The following CACNA2D3 variants were observed in gnomAD, a reference collection of about 807,000 sequenced individuals.
The protein encoded by CACNA2D3 is calcium voltage-gated channel auxiliary subunit alpha2delta 3.
Under a neutral mutation model 160.6 loss-of-function variants are expected in CACNA2D3, and 60 were observed. The observed-to-expected ratio is 0.37, with a 90% CI of 0.30 to 0.46. The LOEUF is 0.46. CACNA2D3 is among the 20% of genes least tolerant of loss of function. The probability of loss-of-function intolerance (pLI) is 1.00; values close to 1 mark genes in which losing one functional copy is unlikely to be tolerated. For synonymous variants in CACNA2D3, 558 were observed against 492.9 expected, an observed-to-expected ratio of 1.13 and a Z score of -1.75; for missense variants, 1,205 against 1,365.0, an observed-to-expected ratio of 0.88 and a Z score of 1.85.
At chr3:54,512,185 G>A (rs928782251) in intron 5 of CACNA2D3, among the ~76,000 whole-genome samples, 56 of 152,232 alleles carry the variant, frequency 3.7e-4, no homozygotes, top group African/African-American at 1.2e-3. Flanking sequence ...CTAGCCAGGT[G>A]CCCTGGCCAG....
chr3:54,390,142 A>G (rs1302424939), intron 4 of CACNA2D3, among the ~76,000 whole-genome samples: 1 of 152,162 alleles, frequency 6.6e-6, no homozygotes, highest in Non-Finnish European at 1.5e-5. Context: ...GGAGGGGATG[A>G]TGTGGTTGAC....
At chr3:54,982,486 T>A (rs1702528635) in intron 29 of CACNA2D3, among the ~76,000 whole-genome samples, 1 of 152,084 alleles carries the variant, frequency 6.6e-6, no homozygotes, top group Admixed American at 6.5e-5. Flanking sequence ...GATTTTCCTT[T>A]GGGTTGGGGG....
intron 9 of CACNA2D3, among the ~76,000 whole-genome samples, chr3:54,606,705 G>A (rs1464234180): frequency 6.6e-6 from 1 of 152,122 alleles, no homozygotes; most frequent in East Asian, 1.9e-4. Context: ...TGGTGCTGCA[G>A]CCCTGCAAAT....
chr3:54,579,995 G>A (rs2106736692), intron 8 of CACNA2D3, among the ~76,000 whole-genome samples: 1 of 152,306 alleles, frequency 6.6e-6, no homozygotes, highest in South Asian at 2.1e-4. Flanking sequence ...AGATCTGGAG[G>A]TTTGGGGGCC....
chr3:54,535,406 A>C (rs562136127), intron 5 of CACNA2D3, among the ~76,000 whole-genome samples: 80 of 152,152 alleles, frequency 5.3e-4, no homozygotes, highest in Non-Finnish European at 1.1e-3. Flanking sequence ...CACACTGCCT[A>C]TTTTTTGTTG....
At chr3:54,785,077 C>T (rs1405152687) in intron 13 of CACNA2D3, among the ~76,000 whole-genome samples, 1 of 152,216 alleles carries the variant, frequency 6.6e-6, no homozygotes, top group Non-Finnish European at 1.5e-5. Context: ...GCTGCAAACA[C>T]CATCCTTCCG....
chr3:54,320,594 A>G lies in CACNA2D3; in HGVS notation c.321+36A>G, dbSNP rs183657757. On this transcript the variant is annotated intron_variant, in intron 3 of 37. Transcript: ENST00000474759. Reference sequence around the variant, plus strand: ...ATGTTTTGTGCCCTGTATCGCCTGAAGGCACAAAGGCAGCTTCAGGGGATG... The same window carrying G: ...ATGTTTTGTGCCCTGTATCGCCTGAGGGCACAAAGGCAGCTTCAGGGGATG... The G allele has an allele frequency of 1.0e-3, 1,198 of 1,146,926 alleles. 13 individuals carry two copies. Among genetic ancestry groups the G allele is most frequent in the Middle Eastern group, 9.3e-3 (47 of 5,052 alleles). 71.0% of individuals were successfully genotyped at this position (1,146,926 alleles called of 1,614,324 possible).
At chr3:54,834,788 G>A (rs1378923872) in intron 14 of CACNA2D3, among the ~76,000 whole-genome samples, 1 of 152,212 alleles carries the variant, frequency 6.6e-6, no homozygotes, top group Non-Finnish European at 1.5e-5. Flanking sequence ...ACACAATTGT[G>A]GGGCTGGCAA....
At chr3:54,531,232 C>G (rs1024024478) in intron 5 of CACNA2D3, among the ~76,000 whole-genome samples, 14 of 152,148 alleles carry the variant, frequency 9.2e-5, no homozygotes. Flanking sequence ...TTTTACATAC[C>G]TACTGATTGT....
At chr3:54,416,792 CAATT>C (rs1175314110) in intron 4 of CACNA2D3, among the ~76,000 whole-genome samples, 1 of 152,018 alleles carries the variant, frequency 6.6e-6, no homozygotes, top group African/African-American at 2.4e-5. Context: ...TATAACTATA[CAATT>C]AATTATGAAC....
At chr3:54,788,857 C>G (rs1443477880) in intron 13 of CACNA2D3, among the ~76,000 whole-genome samples, 1 of 152,084 alleles carries the variant, frequency 6.6e-6, no homozygotes, top group Admixed American at 6.6e-5. Flanking sequence ...TTGAATTTGC[C>G]TACTCTAAGT....
intron 27 of CACNA2D3, chr3:54,918,488 T>C: frequency 6.2e-7 from 1 of 1,613,890 alleles, no homozygotes; most frequent in Non-Finnish European, 8.5e-7. Context: ...AATCGCTCTT[T>C]TTCTTCCACC....
chr3:54,861,939 C>T (rs779659163), intron 17 of CACNA2D3, among the ~76,000 whole-genome samples: 1 of 152,166 alleles, frequency 6.6e-6, no homozygotes, highest in Non-Finnish European at 1.5e-5. Flanking sequence ...TGGGTTTATT[C>T]AGACCAGCAT....
chr3:54,498,043 G>GT (rs201950967), intron 4 of CACNA2D3, among the ~76,000 whole-genome samples: 534 of 141,752 alleles, frequency 3.8e-3, no homozygotes, highest in South Asian at 5.2e-3. Context: ...TTGGCATATA[G>GT]TTTTTTTTTT....
At chr3:54,893,115 A>C (rs552069874) in intron 25 of CACNA2D3, among the ~76,000 whole-genome samples, 1 of 152,238 alleles carries the variant, frequency 6.6e-6, no homozygotes, top group Admixed American at 6.5e-5. Flanking sequence ...GTCTTTACTA[A>C]AAATACAAAA....
At chr3:54,603,258 A>G (rs190638060) in intron 9 of CACNA2D3, among the ~76,000 whole-genome samples, 1 of 152,144 alleles carries the variant, frequency 6.6e-6, no homozygotes, top group Non-Finnish European at 1.5e-5. Context: ...GCTGCCCCCC[A>G]CCACCTCCTC....
intron 11 of CACNA2D3, among the ~76,000 whole-genome samples, chr3:54,667,776 C>G (rs1022410691): frequency 1.3e-5 from 2 of 152,076 alleles, no homozygotes; most frequent in Admixed American, 6.6e-5. Flanking sequence ...GAGACCCAGT[C>G]CCTAAAAATA....
chr3:55,028,142 G>A (rs358053), intron 35 of CACNA2D3, among the ~76,000 whole-genome samples: 44,442 of 152,000 alleles, frequency 0.29, 7,802 homozygotes, highest in African/African-American at 0.47. Flanking sequence ...AGATGGTTTC[G>A]TATGGAAAAT....
chr3:54,573,981 AC>A (rs1702541616), intron 8 of CACNA2D3, among the ~76,000 whole-genome samples: 2 of 151,864 alleles, frequency 1.3e-5, no homozygotes, highest in Admixed American at 6.6e-5. Context: ...GTAGAGGGCG[AC>A]CCAACTGCAG....
Sources: allele counts gnomAD v4.1 joint callset (sites outside exome capture counted in the v4.1 genomes callset), GRCh38; gene constraint gnomAD v4.1.1; transcripts MANE v1.5; gene names NCBI Gene and HGNC (gene_info 2026-07-23, HGNC 2026-07-21).